ASB11: variants seen among roughly 807,000 people sequenced by gnomAD.
ASB11 encodes the protein ankyrin repeat and SOCS box containing 11.
Under a neutral mutation model 20.1 loss-of-function variants are expected in ASB11, and 17 were observed. That is an observed-to-expected ratio of 0.85 (90% CI 0.58 to 1.27). The LOEUF (loss-of-function observed/expected upper bound fraction) is 1.27. Ranked by LOEUF, ASB11 falls within the 50% of genes most tolerant of loss-of-function variation. The probability of loss-of-function intolerance (pLI) is 0.00; values close to 1 mark genes in which losing one functional copy is unlikely to be tolerated. For missense variants in ASB11, 259 were observed against 256.9 expected, an observed-to-expected ratio of 1.01 and a Z score of -0.06; for synonymous variants, 107 against 105.6, an observed-to-expected ratio of 1.01 and a Z score of -0.08.
At chrX:15,305,506 G>A (rs147022897) in intron 1 of ASB11, among the ~76,000 whole-genome samples, 1,163 of 110,821 alleles carry the variant, frequency 0.01, 14 homozygotes, top group African/African-American at 0.036. Flanking sequence ...GAGTCTCTGG[G>A]TGAAGAGAAG....
rs1247239738 is a variant in ASB11 at position 15,283,488 on chromosome X, C to G, written c.*17G>C. The stretch of plus-strand genomic sequence containing the variant: ...CAATCTGTGTCATTCCAAGTATCTT[C>G]CCAGGAACACTTAGGACTATTGGTA... On this transcript the variant is annotated 3_prime_UTR_variant, in exon 7 of 7. Coordinates refer to ENST00000480796, the MANE Select transcript of ASB11 (RefSeq NM_080873.3). The G allele has an allele frequency of 1.7e-6, 2 of 1,207,856 alleles. No individual in the cohort carries two copies. The highest frequency in any genetic ancestry group is 1.1e-6 in the Non-Finnish European group (1 of 893,727).
chrX:15,284,158 A>G (rs1484076755), intron 6 of ASB11, among the ~76,000 whole-genome samples: 1 of 105,060 alleles, frequency 9.5e-6, no homozygotes, highest in Non-Finnish European at 1.9e-5. Flanking sequence ...AGGCTGAGGC[A>G]GGAGAATGGC....
At chrX:15,285,577 C>G (rs997691186) in intron 6 of ASB11, among the ~76,000 whole-genome samples, 2 of 112,180 alleles carry the variant, frequency 1.8e-5, no homozygotes, top group Non-Finnish European at 3.8e-5. Context: ...AATGTGAAAA[C>G]TTCTATAAAC....
At position 15,284,565 on chromosome X, in the gene ASB11, T is replaced by C. The variant is rs573133485; in HGVS notation, c.848-936A>G. ...TATTCTTGCAAGGATTCCAGCTCAATAGAGATCTGCAAGAAGGACTCAAGT... is the reference window on the plus strand; with the variant it reads ...TATTCTTGCAAGGATTCCAGCTCAACAGAGATCTGCAAGAAGGACTCAAGT... On this transcript the variant is annotated intron_variant, in intron 6 of 6. Transcript: ENST00000480796. Among the ~76,000 whole-genome samples the C allele has an allele frequency of 2.0e-4, 22 of 111,428 alleles. No individual in the cohort carries two copies. In the South Asian group the frequency reaches 7.6e-3, roughly 38 times the overall value.
intron 6 of ASB11, among the ~76,000 whole-genome samples, chrX:15,284,618 T>G (rs766973820): frequency 1.8e-5 from 2 of 111,606 alleles, no homozygotes; most frequent in South Asian, 7.6e-4. Flanking sequence ...TGAAACTGAG[T>G]CTCATGGACT....
At chrX:15,296,758 C>T (rs1192637748) in intron 3 of ASB11, among the ~76,000 whole-genome samples, 1 of 111,885 alleles carries the variant, frequency 8.9e-6, no homozygotes, top group Admixed American at 9.5e-5. Flanking sequence ...AAGCCTCATA[C>T]AGTGTTAGTG....
Position 15,283,482 on chromosome X carries a change from T to C in ASB11, c.*23A>G, listed in dbSNP as rs201079816. On this transcript the variant is annotated 3_prime_UTR_variant, in exon 7 of 7. Transcript: ENST00000480796. ...AGACAACAATCTGTGTCATTCCAAG[T>C]ATCTTCCCAGGAACACTTAGGACTA... 8.3e-7 allele frequency: 1 copy of C among 1,207,252 alleles called. No homozygotes were observed. Among genetic ancestry groups the C allele is most frequent in the East Asian group, 3.0e-5 (1 of 33,716 alleles).
At chrX:15,300,085 C>A (rs1259893365) in intron 2 of ASB11, among the ~76,000 whole-genome samples, 2 of 112,652 alleles carry the variant, frequency 1.8e-5, no homozygotes, top group Non-Finnish European at 3.7e-5. Context: ...TAGAAAAAGT[C>A]TTTTCATTTT....
chrX:15,305,400 G>C (rs752301930), intron 1 of ASB11, among the ~76,000 whole-genome samples: 1 of 111,585 alleles, frequency 9.0e-6, no homozygotes, highest in Non-Finnish European at 1.9e-5. Context: ...AACAGTTCCA[G>C]ATTGAAAGGG....
At chrX:15,284,380 G>T (rs1248200913) in intron 6 of ASB11, among the ~76,000 whole-genome samples, 1 of 111,362 alleles carries the variant, frequency 9.0e-6, no homozygotes, top group Non-Finnish European at 1.9e-5. Context: ...ATACGGAAAG[G>T]GTGTCAGCGG....
chrX:15,302,362 A>C (rs1403560442), intron 2 of ASB11, among the ~76,000 whole-genome samples: 1 of 112,306 alleles, frequency 8.9e-6, no homozygotes, highest in East Asian at 2.8e-4. Context: ...GTCATTTTTT[A>C]GGCAGCAATA....
intron 6 of ASB11, 147 bp downstream of exon 6, chrX:15,287,734 C>T: frequency 1.6e-6 from 1 of 616,959 alleles, no homozygotes; most frequent in Non-Finnish European, 2.4e-6. Context: ...TCCCAGAAGA[C>T]AGGTCAGTGA....
chrX:15,285,455 G>T (rs901561282), intron 6 of ASB11, among the ~76,000 whole-genome samples: 1 of 110,433 alleles, frequency 9.1e-6, no homozygotes, highest in Non-Finnish European at 1.9e-5. Context: ...AATCTTTCTA[G>T]AGCAAGTGGC....
intron 6 of ASB11, among the ~76,000 whole-genome samples, chrX:15,284,175 C>T (rs1224406170): frequency 3.8e-5 from 4 of 104,819 alleles, no homozygotes; most frequent in African/African-American, 1.4e-4. Context: ...TGGCGTGAAC[C>T]CGGGAGGCGG....
intron 4 of ASB11, among the ~76,000 whole-genome samples, chrX:15,290,424 A>G (rs1411533053): frequency 8.9e-6 from 1 of 112,298 alleles, no homozygotes; most frequent in Non-Finnish European, 1.9e-5. Flanking sequence ...GGCCTGCAAC[A>G]GTACTTTGGT....
At position 15,309,967 on chromosome X, in the gene ASB11, CAA is replaced by C. The variant is rs60765469; in HGVS notation, c.181+5456_181+5457del. Reference sequence around the variant, plus strand: ...TGGGCGACAGAGCAAGACTCCGTCTCAAAAAAAAAAAAAAAAAAAAAAAAGTA... The same window carrying C: ...TGGGCGACAGAGCAAGACTCCGTCTCAAAAAAAAAAAAAAAAAAAAAAGTA... On this transcript the variant is annotated intron_variant, in intron 1 of 6. Coordinates refer to ENST00000480796, the MANE Select transcript of ASB11 (RefSeq NM_080873.3). Among the ~76,000 whole-genome samples, 39 of 15,526 alleles carry C rather than the reference CAA, an allele frequency of 2.5e-3. No homozygotes were observed. In the East Asian group the frequency reaches 0.041, roughly 16 times the overall value. The allele number at this position is 15,526 out of a possible 115,157, so 13.5% of individuals were successfully genotyped here.
At chrX:15,284,405 G>A (rs1244698813) in intron 6 of ASB11, among the ~76,000 whole-genome samples, 3 of 111,342 alleles carry the variant, frequency 2.7e-5, no homozygotes, top group Non-Finnish European at 5.7e-5. Context: ...TTCCACCTGC[G>A]TGGTGACAGA....
intron 4 of ASB11, among the ~76,000 whole-genome samples, chrX:15,290,830 A>G (rs1033985781): frequency 1.4e-4 from 16 of 112,179 alleles, no homozygotes; most frequent in African/African-American, 5.2e-4. Context: ...AGGACTGTCA[A>G]TTCAAACTAT....
chrX:15,284,130 T>C (rs1263046278), intron 6 of ASB11, among the ~76,000 whole-genome samples: 7 of 106,081 alleles, frequency 6.6e-5, no homozygotes, highest in Non-Finnish European at 1.3e-4. Context: ...CGGGTGCCTA[T>C]AGTCCCAGCT....
Sources: allele counts gnomAD v4.1 joint callset (sites outside exome capture counted in the v4.1 genomes callset), GRCh38; gene constraint gnomAD v4.1.1; transcripts MANE v1.5; gene names NCBI Gene and HGNC (gene_info 2026-07-23, HGNC 2026-07-21).